MICAL2: variants seen among roughly 807,000 people sequenced by gnomAD.
MICAL2 encodes [F-actin]-monooxygenase MICAL2.
MICAL2 carries 77 observed loss-of-function variants against 127.3 expected under a neutral mutation model. That is an observed-to-expected ratio of 0.60 (90% confidence interval 0.50 to 0.73). The LOEUF is 0.73. MICAL2 is among the 30% of genes least tolerant of loss of function. The pLI is 0.00. For missense variants in MICAL2, 1,351 were observed against 1,434.4 expected (o/e 0.94, Z 0.94); for synonymous variants, 570 against 551.1 (o/e 1.03, Z -0.48).
At chr11:12,140,060 A>G (rs900920312) in intron 2 of MICAL2, among the ~76,000 whole-genome samples, 31 of 152,120 alleles carry the variant, frequency 2.0e-4, no homozygotes, top group African/African-American at 7.5e-4. Flanking sequence ...TGCCAGTTTC[A>G]TCTCCATTGG....
intron 22 of MICAL2, among the ~76,000 whole-genome samples, chr11:12,251,729 G>C (rs1342366636): frequency 1.3e-5 from 2 of 152,076 alleles, no homozygotes; most frequent in Non-Finnish European, 2.9e-5. Context: ...GACCCAGACT[G>C]TGCCCTGTGC....
intron 2 of MICAL2, among the ~76,000 whole-genome samples, chr11:12,146,579 T>TGCTGGAGATGGA (rs1440499983): frequency 6.6e-6 from 1 of 152,096 alleles, no homozygotes; most frequent in Admixed American, 6.5e-5. Flanking sequence ...CTGGAGAGGA[T>TGCTGGAGATGGA]GTGGAGAAAT....
chr11:12,259,924 G>C (rs768084378), intron 26 of MICAL2, 27 bp downstream of exon 26: 1 of 1,610,432 alleles, frequency 6.2e-7, no homozygotes, highest in Admixed American at 1.7e-5. Flanking sequence ...CTTTAGGAAG[G>C]TGCTGGGCTG....
chr11:12,352,660 G>C (rs1286488048), intron 33 of MICAL2, among the ~76,000 whole-genome samples: 1 of 152,220 alleles, frequency 6.6e-6, no homozygotes, highest in Non-Finnish European at 1.5e-5. Context: ...TTGATTCAAG[G>C]CTTTTGGGAA....
intron 1 of MICAL2, among the ~76,000 whole-genome samples, chr11:12,134,877 C>T (rs1851714662): frequency 6.6e-6 from 1 of 152,128 alleles, no homozygotes; most frequent in Non-Finnish European, 1.5e-5. Flanking sequence ...CGAGGAGGCT[C>T]AAAGATTCAA....
chr11:12,360,461 C>T (rs373360928), downstream of MICAL2, among the ~76,000 whole-genome samples: 3 of 152,272 alleles, frequency 2.0e-5, no homozygotes, highest in East Asian at 5.8e-4. Flanking sequence ...AGAATATCAA[C>T]TCATTATAAG....
At chr11:12,256,621 G>A (rs1862359453) in intron 23 of MICAL2, 164 bp from the exon 24 acceptor site, 5 of 637,452 alleles carry the variant, frequency 7.8e-6, no homozygotes, top group Non-Finnish European at 2.6e-6. Flanking sequence ...TCTGGGTTGG[G>A]GGTGTATCTT....
Position 12,218,460 on chromosome 11 carries a change from C to T in MICAL2, c.949-1741C>T, listed in dbSNP as rs375185205. On this transcript the variant is annotated intron_variant, in intron 8 of 27. Transcript: ENST00000683283. ...CTTCCCTTTGCTAGGTCCCCACTCT[C>T]CTGCATGAGGCGTCCACGCCAGGCA... Among the ~76,000 whole-genome samples the T allele has an allele frequency of 1.3e-3, 203 of 152,358 alleles. 2 individuals are homozygous for T. In the Middle Eastern group the frequency reaches 0.024, roughly 18 times the overall value.
At chr11:12,120,271 G>C (rs550883997) in intron 1 of MICAL2, among the ~76,000 whole-genome samples, 1 of 152,226 alleles carries the variant, frequency 6.6e-6, no homozygotes, top group Non-Finnish European at 1.5e-5. Flanking sequence ...GTTTATCTTT[G>C]ATTAGCTGTC....
rs769379805 is a variant in MICAL2, at chr11:12,356,429, A to G, written c.5689+1572A>G. Among the ~76,000 whole-genome samples the G allele has an allele frequency of 3.7e-4, 57 of 152,256 alleles. 1 individual carries two copies. Among genetic ancestry groups the G allele is most frequent in the Admixed American group, 2.4e-3 (37 of 15,294 alleles). On this transcript the variant is annotated intron_variant, in intron 34 of 34. Transcript: ENST00000646065. The stretch of plus-strand genomic sequence containing the variant: ...CCCTTCTCTGTCTCTCCCCAGGGTG[A>G]CTGGCAAGTAATGGGAAAAGGCAGG...
intron 24 of MICAL2, among the ~76,000 whole-genome samples, chr11:12,269,947 C>G (rs544489083): frequency 3.3e-5 from 5 of 152,328 alleles, no homozygotes; most frequent in African/African-American, 1.2e-4. Context: ...TTGGTTCACC[C>G]CCTGAAGATC....
chr11:12,209,636 G>A (rs202003432), intron 6 of MICAL2, 38 bp downstream of exon 6: 4 of 1,535,724 alleles, frequency 2.6e-6, no homozygotes, highest in Non-Finnish European at 3.6e-6. Flanking sequence ...ATGGGGGGAT[G>A]GGAATGGGAG....
intron 29 of MICAL2, among the ~76,000 whole-genome samples, chr11:12,300,479 G>C (rs1864034813): frequency 6.6e-6 from 1 of 152,154 alleles, no homozygotes; most frequent in Non-Finnish European, 1.5e-5. Flanking sequence ...CCCTTAACAA[G>C]GACTTCCTGA....
rs1856139576 is a variant in MICAL2 at position 12,216,263 on chromosome 11, T to C, written c.892T>C (p.Tyr298His). 11 of 1,614,136 alleles carry C rather than the reference T, an allele frequency of 6.8e-6. No individual in the cohort carries two copies. Among genetic ancestry groups the C allele is most frequent in the Non-Finnish European group, 9.3e-6 (11 of 1,179,942 alleles). The change falls in exon 8 of 28, where the codon TAT becomes CAT. Residue 298 changes from tyrosine to histidine, a missense_variant. Tyr to His is a moderately conservative substitution (Grantham distance 83). This residue lies in a region of MICAL2 where 599 missense variants were observed against 714.9 expected (regional missense o/e 0.84). Transcript: ENST00000683283. Reference sequence around the variant, plus strand: ...TGTTTACTACAAGGACTGCACCCACTATTTTGTAATGACAGCCAAGAAGCA... The same window carrying C: ...TGTTTACTACAAGGACTGCACCCACCATTTTGTAATGACAGCCAAGAAGCA... ...NIVYYKDCTH[Y>H]FVMTAKKQSL...
At chr11:12,283,788 T>C (rs566319874) in intron 2 of MICAL2, among the ~76,000 whole-genome samples, 16 of 152,354 alleles carry the variant, frequency 1.1e-4, no homozygotes, top group African/African-American at 3.8e-4. Context: ...AGAAACTTAT[T>C]ACATCCTCAA....
chr11:12,209,759 A>G (rs574208110), intron 6 of MICAL2, among the ~76,000 whole-genome samples, 161 bp downstream of exon 6: 3 of 152,288 alleles, frequency 2.0e-5, no homozygotes, highest in East Asian at 3.9e-4. Flanking sequence ...AGAACAGCCC[A>G]TCCACCTGTG....
In MICAL2 at chr11:12,349,821, G is replaced by A. The variant is rs569920564; in HGVS notation, c.5516-17G>A. ...GAAATGCCAATCTAACCCATTTGCT[G>A]TTGATTTCTTAAGCAGATTCAGGCA... On this transcript the variant is annotated splice_polypyrimidine_tract_variant and intron_variant, in intron 32 of 34. Transcript: ENST00000646065. 1.2e-5 allele frequency: 20 copies of A among 1,612,928 alleles called. No individual in the cohort carries two copies. The Admixed American group carries it at 3.0e-4, about 24-fold the overall frequency.
At chr11:12,328,130 C>A (rs1994904) in intron 32 of MICAL2, among the ~76,000 whole-genome samples, 120,654 of 152,174 alleles carry the variant, frequency 0.79, 48,237 homozygotes, top group Non-Finnish European at 0.84. Flanking sequence ...ATAGCTTCAG[C>A]TTCTTGGATT....
intron 32 of MICAL2, among the ~76,000 whole-genome samples, chr11:12,342,607 G>A (rs919004159): frequency 2.6e-5 from 4 of 152,150 alleles, no homozygotes; most frequent in African/African-American, 9.7e-5. Flanking sequence ...TATAGAAATG[G>A]CATGGTATAG....
Sources: gnomAD v4.1 joint callset for allele counts (sites outside exome capture counted in the v4.1 genomes callset) on GRCh38, gnomAD v4.1.1 for gene constraint, gnomAD v4.1.1 regional missense constraint, MANE v1.5 for transcripts, NCBI Gene and HGNC (gene_info 2026-07-23, HGNC 2026-07-21) for gene names.